Variants in EVA1C observed in about 807,000 individuals in gnomAD.
The protein encoded by EVA1C is eva-1 homolog C.
A neutral mutation model predicts 45.4 loss-of-function variants in EVA1C; 25 were observed. The ratio of observed to expected loss-of-function variants is 0.55; its 90% CI spans 0.40 to 0.77. EVA1C has a LOEUF of 0.77. Among genes scored for constraint, EVA1C ranks in the 30% least tolerant of loss-of-function variants. EVA1C has a pLI of 0.00. For synonymous variants in EVA1C, 190 were observed against 221.2 expected, an observed-to-expected ratio of 0.86 and a Z score of 1.25; for missense variants, 479 against 554.8, an observed-to-expected ratio of 0.86 and a Z score of 1.37.
chr21:32,510,860 C>A (rs1456995670), intron 7 of EVA1C, among the ~76,000 whole-genome samples: 1 of 151,936 alleles, frequency 6.6e-6, no homozygotes, highest in Non-Finnish European at 1.5e-5. Context: ...CAAAGTCAGA[C>A]CTCATCTTTA....
intron 6 of EVA1C, 127 bp downstream of exon 6, chr21:32,501,622 T>C (rs555268310): frequency 3.1e-5 from 38 of 1,207,280 alleles, no homozygotes; most frequent in Non-Finnish European, 3.9e-5. Flanking sequence ...GAGGTACCGG[T>C]CCTGGTGATA....
Position 32,412,981 on chromosome 21 carries a change from C to A in EVA1C, c.128C>A (p.Ser43Tyr). ...TTCTACTGCACTGTCCTGGTCTGCT[C>A]CAAAGAGATCTCAGCGCTCACCGAC... ...RLFYCTVLVCSKEISALTDFS... is the reference protein window; with the variant it reads ...RLFYCTVLVCYKEISALTDFS... Residue 43 changes from serine to tyrosine, a missense_variant, in exon 1 of 8, where the codon TCC becomes TAC. Ser to Tyr is a moderately radical substitution (Grantham distance 144). Around this residue, in one of 3 missense-constraint regions of EVA1C, gnomAD observed 80 missense variants for 63.8 expected, o/e 1.25. Coordinates refer to ENST00000300255, the MANE Select transcript of EVA1C (RefSeq NM_058187.5). 6.7e-7 allele frequency: 1 copy of A among 1,492,326 alleles called. No homozygotes were observed. Among genetic ancestry groups the A allele is most frequent in the South Asian group, 1.3e-5 (1 of 76,188 alleles). 92.4% of individuals were successfully genotyped at this position (1,492,326 alleles called of 1,614,324 possible). A position where few individuals can be genotyped will look rare whatever the true frequency, so the allele number is the denominator to read the frequency against.
Position 32,472,155 on chromosome 21 carries a change from AT to A in EVA1C, c.634+4310del, listed in dbSNP as rs1283014971. Among the ~76,000 whole-genome samples the A allele has an allele frequency of 7.5e-4, 113 of 151,294 alleles. No homozygotes were observed. In the Middle Eastern group the frequency reaches 0.01, roughly 14 times the overall value. ...GATGAAAGTTGGATTTAATTAATTA[AT>A]TTATTTATTTATTTATTTTTGAGAC... On this transcript the variant is annotated intron_variant, in intron 4 of 7. Transcript: ENST00000300255.
At position 32,467,777 on chromosome 21, in the gene EVA1C, C is replaced by G; in HGVS notation, c.563C>G (p.Ser188Cys). ...GAATCCAAGTTCCTCAACATCTACT[C>G]TGCGACCTACGGCAGGAGGACCCAG... ...CHESKFLNIY[S>C]ATYGRRTQER... The change falls in exon 4 of 8, where the codon TCT becomes TGT. Residue 188 changes from serine to cysteine, a missense_variant. By Grantham distance (112) the Ser-to-Cys change is moderately radical. Around this residue, in one of 3 missense-constraint regions of EVA1C, gnomAD observed 366 missense variants for 426.1 expected, o/e 0.86. Coordinates refer to ENST00000300255, the MANE Select transcript of EVA1C (RefSeq NM_058187.5). The G allele has an allele frequency of 6.2e-7, 1 of 1,613,252 alleles. No individual in the cohort carries two copies. The highest frequency in any genetic ancestry group is 8.5e-7 in the Non-Finnish European group (1 of 1,179,590).
chr21:32,434,016 C>T (rs2034823350), intron 1 of EVA1C, among the ~76,000 whole-genome samples: 1 of 150,576 alleles, frequency 6.6e-6, no homozygotes, highest in East Asian at 2.0e-4. Flanking sequence ...TAAAATAGGC[C>T]AGGCGCAGTG....
At chr21:32,476,515 C>T (rs1038429515) in intron 4 of EVA1C, among the ~76,000 whole-genome samples, 1 of 152,102 alleles carries the variant, frequency 6.6e-6, no homozygotes, top group East Asian at 1.9e-4. Flanking sequence ...GTGGCGCATG[C>T]CTGCAATCCC....
chr21:32,469,896 T>C (rs1004444621), intron 4 of EVA1C, among the ~76,000 whole-genome samples: 1 of 152,170 alleles, frequency 6.6e-6, no homozygotes, highest in African/African-American at 2.4e-5. Context: ...AGTCACATCT[T>C]AACACTTTCA....
At chr21:32,494,713 G>A (rs1315193083) in intron 4 of EVA1C, among the ~76,000 whole-genome samples, 1 of 151,862 alleles carries the variant, frequency 6.6e-6, no homozygotes, top group East Asian at 1.9e-4. Context: ...AAGCAGGGAG[G>A]CAGAGGTTGC....
At chr21:32,514,625 G>A (rs577133256) in intron 7 of EVA1C, among the ~76,000 whole-genome samples, 189 bp from the exon 8 acceptor site, 6 of 152,262 alleles carry the variant, frequency 3.9e-5, no homozygotes, top group South Asian at 4.2e-4. Flanking sequence ...CTCCGTAGGC[G>A]CAAAAGCTTT....
At chr21:32,467,982 C>A (rs1044564220) in intron 4 of EVA1C, 134 bp downstream of exon 4, 47 of 514,472 alleles carry the variant, frequency 9.1e-5, no homozygotes, top group African/African-American at 7.6e-4. Context: ...ATCTTGTGAT[C>A]GTGTAAGTTA....
At position 32,515,319 on chromosome 21, in the gene EVA1C, A is replaced by G. The variant is rs1046769; in HGVS notation, c.*129A>G. On this transcript the variant is annotated 3_prime_UTR_variant, in exon 8 of 8. Coordinates refer to ENST00000300255, the MANE Select transcript of EVA1C (RefSeq NM_058187.5). The stretch of plus-strand genomic sequence containing the variant: ...CATGTCATTCAACACTCGTGAGGCC[A>G]GGAAGCTATTAAAGGGATGTTTCAA... 53,023 of 1,010,394 alleles carry G rather than the reference A, an allele frequency of 0.052. 1,544 individuals carry two copies. Among genetic ancestry groups the G allele is most frequent in the South Asian group, 0.08 (4,233 of 52,976 alleles). The allele number at this position is 1,010,394 out of a possible 1,614,324, so 62.6% of individuals were successfully genotyped here. A position where few individuals can be genotyped will look rare whatever the true frequency, so the allele number is the denominator to read the frequency against.
At chr21:32,495,521 G>A (rs1000142729) in intron 5 of EVA1C, among the ~76,000 whole-genome samples, 2 of 152,126 alleles carry the variant, frequency 1.3e-5, no homozygotes, top group Non-Finnish European at 2.9e-5. Flanking sequence ...GATGTCATGC[G>A]AGTTCACAGT....
At chr21:32,495,600 T>G (rs1321186846) in intron 5 of EVA1C, among the ~76,000 whole-genome samples, 23 of 152,230 alleles carry the variant, frequency 1.5e-4, no homozygotes, top group Admixed American at 1.5e-3. Flanking sequence ...CTCTCTGTAC[T>G]GCCAACAGCT....
intron 4 of EVA1C, among the ~76,000 whole-genome samples, chr21:32,468,391 CA>C (rs200665323): frequency 6.7e-6 from 1 of 149,858 alleles, no homozygotes; most frequent in Non-Finnish European, 1.5e-5. Flanking sequence ...AACAAACAAA[CA>C]AAAAAACAAA....
intron 1 of EVA1C, among the ~76,000 whole-genome samples, chr21:32,429,502 C>T (rs2034616629): frequency 6.6e-6 from 1 of 151,368 alleles, no homozygotes; most frequent in East Asian, 1.9e-4. Flanking sequence ...TATAGTCACG[C>T]ACCCCTACAC....
chr21:32,468,864 A>G (rs1170682471), intron 4 of EVA1C, among the ~76,000 whole-genome samples: 1 of 152,184 alleles, frequency 6.6e-6, no homozygotes, highest in East Asian at 1.9e-4. Flanking sequence ...AATCCAATCA[A>G]GTTGACACTC....
At chr21:32,450,521 G>GT (rs1568896481) in intron 1 of EVA1C, among the ~76,000 whole-genome samples, 1 of 150,680 alleles carries the variant, frequency 6.6e-6, no homozygotes, top group Non-Finnish European at 1.5e-5. Flanking sequence ...GTCCGGGAAT[G>GT]CTGGGGTGAT....
At chr21:32,418,856 C>T (rs1242389950) in intron 1 of EVA1C, among the ~76,000 whole-genome samples, 4 of 152,284 alleles carry the variant, frequency 2.6e-5, no homozygotes, top group African/African-American at 9.6e-5. Context: ...TTTTCCTACC[C>T]TCCCATCAGC....
In EVA1C at chr21:32,427,871, A is replaced by G. The variant is rs1017090709; in HGVS notation, c.160+14858A>G. On this transcript the variant is annotated intron_variant, in intron 1 of 7. Coordinates refer to ENST00000300255, the MANE Select transcript of EVA1C (RefSeq NM_058187.5). ...CATCTCTATTAAAAAAAAAAAAAAAAAAAAAAGAAAGGCAGGAAAAACTTG... is the reference window on the plus strand; with the variant it reads ...CATCTCTATTAAAAAAAAAAAAAAAGAAAAAAGAAAGGCAGGAAAAACTTG... 3.3e-5 allele frequency among the ~76,000 whole-genome samples: 5 copies of G among 151,832 alleles called. No homozygotes were observed. In the East Asian group the frequency reaches 9.7e-4, roughly 29 times the overall value.
Sources: allele counts gnomAD v4.1 joint callset (sites outside exome capture counted in the v4.1 genomes callset), GRCh38; gene constraint gnomAD v4.1.1; regional missense constraint gnomAD v4.1.1; transcripts MANE v1.5; gene names NCBI Gene and HGNC (gene_info 2026-07-23, HGNC 2026-07-21).